Variants in FRMD6 observed in about 807,000 individuals in gnomAD.
FRMD6 encodes FERM domain-containing protein 6.
FRMD6 carries 37 observed loss-of-function variants against 73.2 expected under a neutral mutation model. The ratio of observed to expected loss-of-function variants is 0.51; its 90% CI spans 0.39 to 0.66. The LOEUF (loss-of-function observed/expected upper bound fraction) is 0.66. Ranked by LOEUF, FRMD6 falls within the 30% of genes least tolerant of loss-of-function variation. The pLI, the probability that FRMD6 is intolerant of heterozygous loss-of-function variation, is 0.00. For synonymous variants in FRMD6, 273 were observed against 282.2 expected (o/e 0.97, Z 0.33); for missense variants, 714 against 780.5 (o/e 0.91, Z 1.02).
intron 1 of FRMD6, among the ~76,000 whole-genome samples, chr14:51,550,585 C>CCA (rs1555374779): frequency 1.3e-5 from 2 of 151,046 alleles, no homozygotes; most frequent in African/African-American, 4.9e-5. Context: ...AGGAGACCCC[C>CCA]CCGCCATGCT....
At chr14:51,671,859 C>T (rs959568358) in intron 1 of FRMD6, among the ~76,000 whole-genome samples, 2 of 152,262 alleles carry the variant, frequency 1.3e-5, no homozygotes, top group Admixed American at 1.3e-4. Context: ...AGAAGACCAA[C>T]AATTAACAGC....
intron 1 of FRMD6, among the ~76,000 whole-genome samples, chr14:51,677,771 C>T (rs1894498235): frequency 6.6e-6 from 1 of 152,034 alleles, no homozygotes. Context: ...TAGATGTGGG[C>T]CCTAGGTGGC....
intron 1 of FRMD6, among the ~76,000 whole-genome samples, chr14:51,567,999 A>AT (rs1481681745): frequency 7.5e-4 from 114 of 152,360 alleles, no homozygotes; most frequent in African/African-American, 2.7e-3. Flanking sequence ...AAGTTCCTGA[A>AT]TTTCTAGCCT....
Position 51,684,907 on chromosome 14 carries a change from G to A in FRMD6, c.-146-4784G>A, listed in dbSNP as rs191461664. Among the ~76,000 whole-genome samples the A allele has an allele frequency of 8.7e-3, 1,331 of 152,274 alleles. 10 individuals are homozygous for A. The highest frequency in any genetic ancestry group is 0.01 in the Non-Finnish European group (690 of 68,024). On this transcript the variant is annotated intron_variant, in intron 1 of 13. Transcript: ENST00000344768. ...GTGACCCTCCTCTGAGAAGAGCTGA[G>A]TAGAGGAGACAGACAACTGAGGAGT... is the stretch of plus-strand genomic sequence containing the variant.
At chr14:51,724,648 A>G (rs995981650) in intron 12 of FRMD6, among the ~76,000 whole-genome samples, 1 of 152,180 alleles carries the variant, frequency 6.6e-6, no homozygotes, top group Non-Finnish European at 1.5e-5. Context: ...GATGTTTCTA[A>G]AGAGTTAAGG....
intron 1 of FRMD6, among the ~76,000 whole-genome samples, chr14:51,687,336 A>G (rs563288457): frequency 2.9e-4 from 44 of 152,308 alleles, no homozygotes; most frequent in African/African-American, 1.0e-3. Context: ...GATGAATATT[A>G]CTTAAGGGTT....
chr14:51,503,216 A>G (rs575127160), intron 1 of FRMD6, among the ~76,000 whole-genome samples: 70 of 152,336 alleles, frequency 4.6e-4, no homozygotes, highest in African/African-American at 1.6e-3. Context: ...TGCCCTGGCC[A>G]GAACTTCCAA....
chr14:51,408,754 G>A, the FRMD6 span, among the ~76,000 whole-genome samples: 1 of 152,058 alleles, frequency 6.6e-6, no homozygotes, highest in African/African-American at 2.4e-5. Flanking sequence ...CTAATTTTCA[G>A]TTCTTTATTT....
intron 8 of FRMD6, 140 bp downstream of exon 8, chr14:51,711,736 G>A: frequency 3.5e-6 from 2 of 565,188 alleles, no homozygotes; most frequent in Admixed American, 5.3e-5. Context: ...GCACAGATGT[G>A]GATGATGTAG....
the FRMD6 span, among the ~76,000 whole-genome samples, chr14:51,416,947 T>C: frequency 6.6e-6 from 1 of 152,210 alleles, no homozygotes; most frequent in Non-Finnish European, 1.5e-5. Flanking sequence ...TGGTTCAAAG[T>C]CTGTTTTATC....
intron 13 of FRMD6, among the ~76,000 whole-genome samples, chr14:51,726,682 G>A (rs1017901335): frequency 6.6e-6 from 1 of 152,196 alleles, no homozygotes; most frequent in Non-Finnish European, 1.5e-5. Context: ...ACAGCTGATA[G>A]TCAGATTCCA....
chr14:51,468,765 C>T, the FRMD6 span, among the ~76,000 whole-genome samples: 1 of 152,184 alleles, frequency 6.6e-6, no homozygotes, highest in Non-Finnish European at 1.5e-5. Context: ...CTCTGCTACT[C>T]TCAATTTACT....
chr14:51,411,340 T>A, the FRMD6 span, among the ~76,000 whole-genome samples: 1 of 152,110 alleles, frequency 6.6e-6, no homozygotes, highest in African/African-American at 2.4e-5. Flanking sequence ...TAGGGGAATA[T>A]TCACCAAAAA....
the FRMD6 span, among the ~76,000 whole-genome samples, chr14:51,443,594 C>T: frequency 1.6e-4 from 25 of 152,170 alleles, no homozygotes; most frequent in Admixed American, 1.3e-3. Context: ...TGGGCCTGAC[C>T]GGGCTGAAGG....
intron 6 of FRMD6, 90 bp from the exon 7 acceptor site, chr14:51,707,988 G>T: frequency 7.9e-7 from 1 of 1,263,292 alleles, no homozygotes. Flanking sequence ...GCCTATTTTA[G>T]CTTCTCATTC....
intron 1 of FRMD6, among the ~76,000 whole-genome samples, chr14:51,551,463 A>C (rs1226142683): frequency 6.6e-6 from 1 of 152,220 alleles, no homozygotes; most frequent in East Asian, 1.9e-4. Context: ...GACCCAGCAC[A>C]GTGGCTCAGG....
At chr14:51,697,470 A>G (rs1407491596) in intron 2 of FRMD6, among the ~76,000 whole-genome samples, 1 of 152,164 alleles carries the variant, frequency 6.6e-6, no homozygotes, top group Non-Finnish European at 1.5e-5. Flanking sequence ...AGAGAATAGA[A>G]TGATGGTTAC....
chr14:51,714,719 T>A (rs1288260319), intron 9 of FRMD6: 1 of 152,214 alleles, frequency 6.6e-6, no homozygotes, highest in Admixed American at 6.5e-5. Flanking sequence ...CCCAAATAGA[T>A]ATCCTGTATT....
chr14:51,557,480 AGGG>A (rs1484718536), intron 1 of FRMD6, among the ~76,000 whole-genome samples: 1 of 152,082 alleles, frequency 6.6e-6, no homozygotes, highest in Admixed American at 6.6e-5. Flanking sequence ...ATCAGGGGCT[AGGG>A]CAAGGCTAGG....
Sources: allele counts gnomAD v4.1 joint callset (sites outside exome capture counted in the v4.1 genomes callset), GRCh38; gene constraint gnomAD v4.1.1; transcripts MANE v1.5; gene names NCBI Gene and HGNC (gene_info 2026-07-23, HGNC 2026-07-21).